The following CHD1 variants were observed in gnomAD, a reference collection of about 807,000 sequenced individuals.
CHD1 encodes ATP-dependent chromatin remodeler CHD1.
Under a neutral mutation model 224.2 loss-of-function variants are expected in CHD1, and 36 were observed. The observed-to-expected ratio is 0.16, with a 90% CI of 0.12 to 0.21. The LOEUF is 0.21. Ranked by LOEUF, CHD1 falls within the 10% of genes least tolerant of loss-of-function variation. The pLI is 1.00. For synonymous variants in CHD1, 668 were observed against 658.3 expected, an observed-to-expected ratio of 1.01 and a Z score of -0.23; for missense variants, 1,378 against 1,994.8, an observed-to-expected ratio of 0.69 and a Z score of 5.89.
Position 98,899,488 on chromosome 5 carries a change from T to C in CHD1, c.1077A>G (p.Thr359=). The C allele has an allele frequency of 6.3e-7, 1 of 1,586,150 alleles. No homozygotes were observed. Among genetic ancestry groups the C allele is most frequent in the East Asian group, 2.2e-5 (1 of 44,706 alleles). ...LDNYKKKDQE[T]KRWLKNASPE... ...ATATACAGCATACTTACCATCTTTTTGTTTCCTGATCTTTTTTCTTATAAT... is the reference window on the plus strand; with the variant it reads ...ATATACAGCATACTTACCATCTTTTCGTTTCCTGATCTTTTTTCTTATAAT... The change falls in exon 8 of 36, where the codon ACA becomes ACG. Residue 359 remains threonine, a synonymous_variant. Transcript: ENST00000614616.
chr5:98,879,482 G>C, intron 23 of CHD1, 70 bp downstream of exon 23: 1 of 1,406,992 alleles, frequency 7.1e-7, no homozygotes, highest in Non-Finnish European at 9.6e-7. Flanking sequence ...ATACCTCGTA[G>C]AAACAAACAA....
chr5:98,913,318 T>C (rs1312456718), intron 2 of CHD1, among the ~76,000 whole-genome samples: 3 of 151,942 alleles, frequency 2.0e-5, no homozygotes, highest in African/African-American at 2.4e-5. Flanking sequence ...AAAAAAAATA[T>C]ATAAACTTAG....
At chr5:98,899,229 AG>A (rs1319875405) in intron 8 of CHD1, among the ~76,000 whole-genome samples, 1 of 152,186 alleles carries the variant, frequency 6.6e-6, no homozygotes, top group Non-Finnish European at 1.5e-5. Context: ...ACGTAAATGC[AG>A]TGCAAATAGT....
At chr5:98,887,684 A>G (rs748732952) in intron 17 of CHD1, among the ~76,000 whole-genome samples, 1 of 152,168 alleles carries the variant, frequency 6.6e-6, no homozygotes, top group Non-Finnish European at 1.5e-5. Flanking sequence ...GATAACTATG[A>G]GCACACCAAT....
chr5:98,879,515 T>C (rs1750013339), intron 23 of CHD1, 37 bp downstream of exon 23: 2 of 1,557,128 alleles, frequency 1.3e-6, no homozygotes, highest in African/African-American at 2.8e-5. Flanking sequence ...TTGAATACTC[T>C]TACTTTATAG....
At chr5:98,909,555 A>G (rs181026353) in intron 2 of CHD1, among the ~76,000 whole-genome samples, 208 of 152,254 alleles carry the variant, frequency 1.4e-3, no homozygotes, top group African/African-American at 4.9e-3. Flanking sequence ...TCCTCCATTA[A>G]TAAGAGGCAG....
At chr5:98,869,364 T>C (rs1749143698) in intron 30 of CHD1, 2 of 623,596 alleles carry the variant, frequency 3.2e-6, no homozygotes, top group South Asian at 6.8e-5. Context: ...ATTGCATGTA[T>C]GTGGATTCTG....
intron 1 of CHD1, among the ~76,000 whole-genome samples, chr5:98,927,337 G>T (rs1009362711): frequency 6.6e-6 from 1 of 152,100 alleles, no homozygotes; most frequent in Non-Finnish European, 1.5e-5. Flanking sequence ...CTCTGGCAGG[G>T]GAGGGAGAGG....
chr5:98,899,623 T>C lies in CHD1; in HGVS notation c.942A>G (p.Gly314=), dbSNP rs1751560626. The C allele has an allele frequency of 6.2e-7, 1 of 1,613,894 alleles. No individual in the cohort carries two copies. The highest frequency in any genetic ancestry group is 1.1e-5 in the South Asian group (1 of 91,090). The stretch of plus-strand genomic sequence containing the variant: ...TCCATTTAATTAAATACTGAATCTC[T>C]CCTGGTTCTTTGTTTTTTTCAAAGC... ...NAGFEKNKEP[G]EIQYLIKWKG... Residue 314 remains glycine (G), a synonymous_variant, in exon 8 of 36, where the codon GGA becomes GGG. Transcript: ENST00000614616.
rs72775622 is a variant in CHD1, at chr5:98,878,428, C to T, written c.3237+1124G>A. ...AGAGTGGGGCAAGCCCCTCATTTGC[C>T]CCAGGCTTAAAATTTAAGGAAGCAC... On this transcript the variant is annotated intron_variant, in intron 23 of 35. Transcript: ENST00000614616. Among the ~76,000 whole-genome samples the T allele has an allele frequency of 4.8e-3, 729 of 152,298 alleles. 1 individual carries two copies. The highest frequency in any genetic ancestry group is 0.014 in the Middle Eastern group (4 of 294).
intron 2 of CHD1, among the ~76,000 whole-genome samples, chr5:98,924,588 C>T (rs192953079): frequency 1.4e-4 from 21 of 152,344 alleles, no homozygotes; most frequent in African/African-American, 4.6e-4. Context: ...CTTTCCATAA[C>T]TGTTCCTTAT....
intron 12 of CHD1, 107 bp from the exon 13 acceptor site, chr5:98,894,793 AAT>A: frequency 1.9e-6 from 1 of 535,976 alleles, no homozygotes; most frequent in Non-Finnish European, 3.4e-6. Flanking sequence ...AGTAACTATT[AAT>A]ATATGTTTAT....
In CHD1 at chr5:98,876,480, C is replaced by T. The variant is rs746354594; in HGVS notation, c.3316G>A (p.Gly1106Arg). The change falls in exon 24 of 36, where the codon GGG (glycine) becomes AGG (arginine). Residue 1106 changes from glycine (G) to arginine (R), a missense_variant. Coordinates refer to ENST00000614616, the MANE Select transcript of CHD1 (RefSeq NM_001270.4). ...CTTCCACGTTTCTTTGGCCTTTTCC[C>T]TTCTGAGATGGAATCACTATCAGAT... Reference protein sequence around the residue: ...SGSDSDSISEGKRPKKRGRPR... With the variant: ...SGSDSDSISERKRPKKRGRPR... 1 of 1,614,076 alleles carries T rather than the reference C, an allele frequency of 6.2e-7. No homozygotes were observed. Among genetic ancestry groups the T allele is most frequent in the South Asian group, 1.1e-5 (1 of 91,082 alleles).
chr5:98,892,195 C>T (rs779583367), intron 15 of CHD1, among the ~76,000 whole-genome samples: 1 of 151,974 alleles, frequency 6.6e-6, no homozygotes, highest in Admixed American at 6.6e-5. Context: ...CTTTTTTTGG[C>T]CTCTGTTAAT....
intron 1 of CHD1, among the ~76,000 whole-genome samples, chr5:98,926,919 G>C (rs917244395): frequency 2.4e-5 from 1 of 42,382 alleles, no homozygotes; most frequent in African/African-American, 9.1e-5. Context: ...TAAATGAAGT[G>C]GGGGGGGGGG....
Position 98,855,193 on chromosome 5 carries a change from G to A in CHD1, c.*1187C>T, listed in dbSNP as rs1293250839. 1.3e-5 allele frequency: 2 copies of A among 152,536 alleles called. No homozygotes were observed. 9.4% of individuals were successfully genotyped at this position (152,536 alleles called of 1,614,324 possible). A position where few individuals can be genotyped will look rare whatever the true frequency, so the allele number is the denominator to read the frequency against. ...GTAAGAATGCAGCAGAAAATTACAGGAGCCCACATATCCTTTTTCTTAAAT... is the reference window on the plus strand; with the variant it reads ...GTAAGAATGCAGCAGAAAATTACAGAAGCCCACATATCCTTTTTCTTAAAT... On this transcript the variant is annotated 3_prime_UTR_variant, in exon 36 of 36. Transcript: ENST00000614616.
chr5:98,918,468 C>T (rs1369116361), intron 2 of CHD1, among the ~76,000 whole-genome samples: 2 of 151,582 alleles, frequency 1.3e-5, no homozygotes, highest in African/African-American at 4.8e-5. Context: ...GGGACTATGA[C>T]TTCCATAAAC....
chr5:98,855,201 A>G lies in CHD1; in HGVS notation c.*1179T>C, dbSNP rs796667420. ...GCAGCAGAAAATTACAGGAGCCCAC[A>G]TATCCTTTTTCTTAAATTTAATTTG... On this transcript the variant is annotated 3_prime_UTR_variant, in exon 36 of 36. Coordinates refer to ENST00000614616, the MANE Select transcript of CHD1 (RefSeq NM_001270.4). 1.5e-4 allele frequency: 23 copies of G among 152,752 alleles called. No individual in the cohort carries two copies. Among genetic ancestry groups the G allele is most frequent in the African/African-American group, 5.5e-4 (23 of 41,540 alleles). The allele number at this position is 152,752 out of a possible 1,614,324, so 9.5% of individuals were successfully genotyped here. A position where few individuals can be genotyped will look rare whatever the true frequency, so the allele number is the denominator to read the frequency against.
At chr5:98,900,698 G>T in intron 7 of CHD1, 113 bp downstream of exon 7, 1 of 886,044 alleles carries the variant, frequency 1.1e-6, no homozygotes, top group Non-Finnish European at 1.7e-6. Context: ...CTGATCCATC[G>T]GCCTCGGCCC....
Sources: gnomAD v4.1 joint callset for allele counts (sites outside exome capture counted in the v4.1 genomes callset) on GRCh38, gnomAD v4.1.1 for gene constraint, MANE v1.5 for transcripts, NCBI Gene and HGNC (gene_info 2026-07-23, HGNC 2026-07-21) for gene names.